Variants in NPAS3 observed in about 807,000 individuals in gnomAD.
The protein encoded by NPAS3 is neuronal PAS domain protein 3.
Under a neutral mutation model 73.1 loss-of-function variants are expected in NPAS3, and 14 were observed. The observed-to-expected ratio is 0.19, with a 90% CI of 0.13 to 0.30. NPAS3 has a LOEUF of 0.30. Ranked by LOEUF, NPAS3 falls within the 10% of genes least tolerant of loss-of-function variation. The probability of loss-of-function intolerance (pLI) is 1.00; values close to 1 mark genes in which losing one functional copy is unlikely to be tolerated. For missense variants in NPAS3, 1,096 were observed against 1,250.0 expected (o/e 0.88, Z 1.86); for synonymous variants, 620 against 541.5 (o/e 1.14, Z -2.01).
At position 33,085,528 on chromosome 14, in the gene NPAS3, G is replaced by A. The variant is rs189048543; in HGVS notation, c.140+29534G>A. Among the ~76,000 whole-genome samples, 68 of 152,244 alleles carry A rather than the reference G, an allele frequency of 4.5e-4. 1 individual carries two copies. Among genetic ancestry groups the A allele is most frequent in the East Asian group, 2.1e-3 (11 of 5,182 alleles). The stretch of plus-strand genomic sequence containing the variant: ...GAAAAATCTATTCTCTCTTCTCGTA[G>A]AATGATTCATTCACAGTGGCCCCCA... On this transcript the variant is annotated intron_variant, in intron 2 of 11. Transcript: ENST00000356141.
chr14:33,057,736 A>C (rs1250894086), intron 2 of NPAS3, among the ~76,000 whole-genome samples: 2 of 152,210 alleles, frequency 1.3e-5, no homozygotes, highest in African/African-American at 2.4e-5. Context: ...TGCCAGGGAA[A>C]GTCACTATGG....
At chr14:33,087,479 C>G (rs78060133) in intron 2 of NPAS3, among the ~76,000 whole-genome samples, 6,488 of 151,906 alleles carry the variant, frequency 0.043, 250 homozygotes, top group African/African-American at 0.11. Context: ...TAATAAGTAT[C>G]TCACCTCACT....
intron 3 of NPAS3, among the ~76,000 whole-genome samples, chr14:33,236,765 A>G (rs563400837): frequency 6.6e-6 from 1 of 152,252 alleles, no homozygotes; most frequent in African/African-American, 2.4e-5. Flanking sequence ...GATTTTCCAC[A>G]GGTCTTAAGA....
At chr14:33,182,280 G>A (rs72676802) in intron 2 of NPAS3, among the ~76,000 whole-genome samples, 329 of 152,180 alleles carry the variant, frequency 2.2e-3, no homozygotes, top group Non-Finnish European at 4.0e-3. Flanking sequence ...TTTTCTGGAT[G>A]TTCAACAAAC....
At chr14:33,433,732 T>C (rs2048870986) in intron 4 of NPAS3, among the ~76,000 whole-genome samples, 1 of 152,192 alleles carries the variant, frequency 6.6e-6, no homozygotes, top group Non-Finnish European at 1.5e-5. Context: ...TAGCTCATCT[T>C]TCAGACTTTG....
chr14:33,503,016 T>G (rs1007307577), intron 4 of NPAS3, among the ~76,000 whole-genome samples: 1 of 151,944 alleles, frequency 6.6e-6, no homozygotes, highest in African/African-American at 2.4e-5. Context: ...CTTTTCTTCA[T>G]GAGTATAGTT....
In NPAS3 at chr14:33,506,560, G is replaced by C. The variant is rs1363190331; in HGVS notation, c.469-53561G>C. On this transcript the variant is annotated intron_variant, in intron 4 of 11. Coordinates refer to ENST00000356141, the Ensembl canonical transcript of NPAS3. ...TATGCTGGTTACAACATCACAGTCT[G>C]ACATTTTTCCATCCAAACCATCTTC... Among the ~76,000 whole-genome samples the C allele has an allele frequency of 2.0e-5, 3 of 151,974 alleles. No homozygotes were observed. In the East Asian group the frequency reaches 5.8e-4, roughly 30 times the overall value.
intron 1 of NPAS3, among the ~76,000 whole-genome samples, chr14:32,994,235 A>G (rs1410276600): frequency 1.3e-5 from 2 of 152,192 alleles, no homozygotes; most frequent in African/African-American, 4.8e-5. Context: ...CTTAATGTAC[A>G]CTATTGAGAA....
At chr14:33,161,016 C>G (rs991284851) in intron 2 of NPAS3, among the ~76,000 whole-genome samples, 3 of 152,156 alleles carry the variant, frequency 2.0e-5, no homozygotes, top group African/African-American at 7.2e-5. Context: ...ATTTTCCAAA[C>G]AGTGGAGGAC....
At chr14:33,035,670 G>T (rs1426260126) in intron 1 of NPAS3, among the ~76,000 whole-genome samples, 1 of 152,170 alleles carries the variant, frequency 6.6e-6, no homozygotes, top group East Asian at 1.9e-4. Context: ...CAATTACTTT[G>T]CAAAAGGGAT....
At chr14:33,442,424 A>AAT (rs1230823681) in intron 4 of NPAS3, among the ~76,000 whole-genome samples, 1 of 152,112 alleles carries the variant, frequency 6.6e-6, no homozygotes, top group Non-Finnish European at 1.5e-5. Context: ...AAAAAAAAAA[A>AAT]AAATTAAAAA....
intron 1 of NPAS3, among the ~76,000 whole-genome samples, chr14:32,940,883 T>C (rs1313312290): frequency 6.6e-6 from 1 of 152,234 alleles, no homozygotes; most frequent in Non-Finnish European, 1.5e-5. Context: ...TGACTAATTC[T>C]GAACTCTAGA....
chr14:33,403,838 TTTCC>T (rs969532361), intron 4 of NPAS3, among the ~76,000 whole-genome samples: 6 of 152,094 alleles, frequency 3.9e-5, no homozygotes, highest in East Asian at 1.9e-4. Context: ...CTCTCTTTTA[TTTCC>T]TTCCTTCCTT....
intron 2 of NPAS3, among the ~76,000 whole-genome samples, chr14:33,090,318 G>A (rs1403735785): frequency 6.6e-6 from 1 of 152,024 alleles, no homozygotes; most frequent in Non-Finnish European, 1.5e-5. Flanking sequence ...CCAAGCAAAT[G>A]GAAAACAAAA....
At chr14:33,204,789 T>C (rs1247233112) in intron 2 of NPAS3, among the ~76,000 whole-genome samples, 1 of 152,190 alleles carries the variant, frequency 6.6e-6, no homozygotes, top group East Asian at 1.9e-4. Flanking sequence ...GGATGAAGAC[T>C]TCTCCCAGCT....
At chr14:33,183,805 C>T (rs1328668486) in intron 2 of NPAS3, among the ~76,000 whole-genome samples, 1 of 152,098 alleles carries the variant, frequency 6.6e-6, no homozygotes, top group Non-Finnish European at 1.5e-5. Flanking sequence ...ATTGTCTGAT[C>T]CTTGCTGAAC....
At chr14:33,344,987 A>C (rs2044661895) in intron 3 of NPAS3, among the ~76,000 whole-genome samples, 1 of 152,206 alleles carries the variant, frequency 6.6e-6, no homozygotes, top group South Asian at 2.1e-4. Flanking sequence ...GTGAAGGGCA[A>C]GGGTCACCAG....
rs769593697 is a variant in NPAS3 at position 33,612,441 on chromosome 14, C to T, written c.558+52231C>T. On this transcript the variant is annotated intron_variant, in intron 5 of 11. Transcript: ENST00000356141. ...GTGTTCACCTCTCCAGTCACATCGA[C>T]GTCCAAGCAGATGTTCTGTGGCAAA... The T allele has an allele frequency of 6.8e-4, 312 of 455,932 alleles. 1 individual carries two copies. The highest frequency in any genetic ancestry group is 2.7e-4 in the Non-Finnish European group (62 of 226,800). The allele number at this position is 455,932 out of a possible 1,614,324, so 28.2% of individuals were successfully genotyped here.
intron 5 of NPAS3, among the ~76,000 whole-genome samples, chr14:33,593,619 G>A (rs1020728553): frequency 9.2e-5 from 14 of 152,276 alleles, no homozygotes; most frequent in African/African-American, 2.4e-4. Context: ...CTTTTCTCCA[G>A]CCTTCTTTTC....
Sources: allele counts gnomAD v4.1 joint callset (sites outside exome capture counted in the v4.1 genomes callset), GRCh38; gene constraint gnomAD v4.1.1; transcripts MANE v1.5; gene names NCBI Gene and HGNC (gene_info 2026-07-23, HGNC 2026-07-21).